UBE3A: variants seen among roughly 807,000 people sequenced by gnomAD.
The protein encoded by UBE3A is ubiquitin-protein ligase E3A.
UBE3A carries 6 observed loss-of-function variants against 83.4 expected under a neutral mutation model. The ratio of observed to expected loss-of-function variants is 0.07; its 90% CI spans 0.04 to 0.14. The LOEUF is 0.14. Among genes scored for constraint, UBE3A ranks in the 10% least tolerant of loss-of-function variants. The pLI, the probability that UBE3A is intolerant of heterozygous loss-of-function variation, is 1.00. For synonymous variants in UBE3A, 337 were observed against 355.4 expected (o/e 0.95, Z 0.58); for missense variants, 456 against 1,036.1 (o/e 0.44, Z 7.69).
At chr15:25,373,794 T>G (rs2080718980) in intron 5 of UBE3A, 1 of 152,162 alleles carries the variant, frequency 6.6e-6, no homozygotes, top group Non-Finnish European at 1.5e-5. Flanking sequence ...TTTAATATGT[T>G]AAACTGAATT....
rs1200517006 is a variant in UBE3A, at chr15:25,336,569, ATCATC to A, written c.*2563_*2567del. On this transcript the variant is annotated 3_prime_UTR_variant, in exon 13 of 13. Transcript: ENST00000648336. ...CTTTTTGATATGTATCTATCTATCT[ATCATC>A]TCCCTATACAAGCAAGCATCCCCAA... The A allele has an allele frequency of 6.6e-6, 1 of 152,074 alleles. No homozygotes were observed. The highest frequency in any genetic ancestry group is 2.4e-5 in the African/African-American group (1 of 41,400). 9.4% of individuals were successfully genotyped at this position (152,074 alleles called of 1,614,324 possible). A position where few individuals can be genotyped will look rare whatever the true frequency, so the allele number is the denominator to read the frequency against.
chr15:25,375,314 T>A lies in UBE3A; in HGVS notation c.361+151A>T, dbSNP rs1039813683. On this transcript the variant is annotated intron_variant, in intron 5 of 12. Coordinates refer to ENST00000648336, the MANE Select transcript of UBE3A (RefSeq NM_130839.5). ...TGATTAGACCTGTAAAATGTAGTTA[T>A]TATTCCTGTCCGTTACCACAATAAA... The A allele has an allele frequency of 1.7e-5, 15 of 859,884 alleles. No homozygotes were observed. In the African/African-American group the frequency reaches 2.4e-4, roughly 14 times the overall value. 53.3% of individuals were successfully genotyped at this position (859,884 alleles called of 1,614,324 possible). A position where few individuals can be genotyped will look rare whatever the true frequency, so the allele number is the denominator to read the frequency against.
At chr15:25,373,520 A>C (rs961674587) in intron 5 of UBE3A, 1 of 152,194 alleles carries the variant, frequency 6.6e-6, no homozygotes, top group Non-Finnish European at 1.5e-5. Flanking sequence ...CTCTGTTGCC[A>C]GGTTGGAATG....
At chr15:25,406,588 C>T (rs35030552) in intron 3 of UBE3A, among the ~76,000 whole-genome samples, 2,676 of 151,684 alleles carry the variant, frequency 0.018, 37 homozygotes, top group Middle Eastern at 0.068. Context: ...AGGTCAAAAG[C>T]TAAATTTTCA....
At chr15:25,392,142 G>A (rs986609302) in intron 4 of UBE3A, among the ~76,000 whole-genome samples, 4 of 152,172 alleles carry the variant, frequency 2.6e-5, no homozygotes, top group Admixed American at 2.0e-4. Flanking sequence ...TGGAGAACAC[G>A]AATAACGTTC....
At chr15:25,421,817 T>G (rs906269971) in intron 1 of UBE3A, 1 of 152,168 alleles carries the variant, frequency 6.6e-6, no homozygotes, top group Admixed American at 6.5e-5. Context: ...CATCAAATGC[T>G]GACATTTGGA....
At chr15:25,413,089 C>T (rs2090285701) in intron 1 of UBE3A, 13 of 418,034 alleles carry the variant, frequency 3.1e-5, no homozygotes, top group South Asian at 1.9e-4. Flanking sequence ...AGGAAATATA[C>T]CAAATCTATA....
At chr15:25,403,096 T>C (rs145748652) in intron 4 of UBE3A, among the ~76,000 whole-genome samples, 37 of 152,326 alleles carry the variant, frequency 2.4e-4, no homozygotes, top group African/African-American at 8.4e-4. Flanking sequence ...TATCCAACCC[T>C]AAAATACCAT....
chr15:25,382,472 A>G (rs1205356876), intron 4 of UBE3A, among the ~76,000 whole-genome samples: 3 of 152,040 alleles, frequency 2.0e-5, no homozygotes, highest in Non-Finnish European at 4.4e-5. Flanking sequence ...TTACAGTGTC[A>G]TATTTCACAG....
chr15:25,386,178 T>C (rs2083092906), intron 4 of UBE3A, among the ~76,000 whole-genome samples: 1 of 152,116 alleles, frequency 6.6e-6, no homozygotes, highest in South Asian at 2.1e-4. Context: ...AAGTTCACAG[T>C]CCAGAGGCAT....
At chr15:25,407,138 C>G in intron 3 of UBE3A, 1 of 1,350,030 alleles carries the variant, frequency 7.4e-7, no homozygotes, top group Non-Finnish European at 9.8e-7. Context: ...GACAGAAGAG[C>G]TAAAAATTGA....
At chr15:25,364,082 G>C (rs1425942913) in intron 6 of UBE3A, among the ~76,000 whole-genome samples, 1 of 85,728 alleles carries the variant, frequency 1.2e-5, no homozygotes, top group African/African-American at 4.3e-5. Context: ...AAAAAATAGT[G>C]GGGGGTGGTG....
intron 4 of UBE3A, among the ~76,000 whole-genome samples, chr15:25,394,430 C>G (rs1043811286): frequency 6.6e-6 from 1 of 152,108 alleles, no homozygotes; most frequent in African/African-American, 2.4e-5. Flanking sequence ...ATATGAGAAC[C>G]TATAGGAGAA....
intron 1 of UBE3A, among the ~76,000 whole-genome samples, chr15:25,431,430 C>A (rs1399298681): frequency 1.3e-5 from 2 of 152,120 alleles, no homozygotes; most frequent in Non-Finnish European, 2.9e-5. Flanking sequence ...GCAACCTCTG[C>A]CTCCCAGGTT....
At chr15:25,408,046 G>A (rs967679459) in intron 3 of UBE3A, 2 of 153,130 alleles carry the variant, frequency 1.3e-5, no homozygotes, top group Non-Finnish European at 2.9e-5. Context: ...GGTCAACCTG[G>A]GCAACATGAT....
rs1361796976 is a variant in UBE3A at position 25,337,279 on chromosome 15, CAG to C, written c.*1856_*1857del. On this transcript the variant is annotated 3_prime_UTR_variant, in exon 13 of 13. Coordinates refer to ENST00000648336, the MANE Select transcript of UBE3A (RefSeq NM_130839.5). ...ACGAATTTATTATATAAAACGCCCT[CAG>C]AGTATTTAATTTCTCCTCACTTTAA... is the stretch of plus-strand genomic sequence containing the variant. 3.9e-5 allele frequency: 6 copies of C among 152,120 alleles called. No individual in the cohort carries two copies. Among genetic ancestry groups the C allele is most frequent in the Non-Finnish European group, 7.4e-5 (5 of 68,016 alleles). The allele number at this position is 152,120 out of a possible 1,614,324, so 9.4% of individuals were successfully genotyped here. A position where few individuals can be genotyped will look rare whatever the true frequency, so the allele number is the denominator to read the frequency against.
chr15:25,424,361 T>C (rs1053552729), intron 1 of UBE3A, among the ~76,000 whole-genome samples: 5 of 152,168 alleles, frequency 3.3e-5, no homozygotes, highest in African/African-American at 1.2e-4. Flanking sequence ...AGTTACCATT[T>C]CAGTGAAGTT....
At chr15:25,400,095 T>C (rs902793539) in intron 4 of UBE3A, among the ~76,000 whole-genome samples, 4 of 151,666 alleles carry the variant, frequency 2.6e-5, no homozygotes, top group African/African-American at 9.7e-5. Flanking sequence ...AAACTGCAGA[T>C]TGCTTTGGAT....
chr15:25,356,470 C>T (rs931956443), intron 8 of UBE3A, among the ~76,000 whole-genome samples: 3 of 152,154 alleles, frequency 2.0e-5, no homozygotes, highest in African/African-American at 4.8e-5. Context: ...TCTATGAAAT[C>T]AATCTTACAA....
Sources: allele counts gnomAD v4.1 joint callset (sites outside exome capture counted in the v4.1 genomes callset), GRCh38; gene constraint gnomAD v4.1.1; transcripts MANE v1.5; gene names NCBI Gene and HGNC (gene_info 2026-07-23, HGNC 2026-07-21).